NRXN1: variants seen among roughly 807,000 people sequenced by gnomAD.
NRXN1 encodes the protein neurexin-1.
A neutral mutation model predicts 150.9 loss-of-function variants in NRXN1; 39 were observed. That is an observed-to-expected ratio of 0.26 (90% CI 0.20 to 0.34). The LOEUF is 0.34. NRXN1 is among the 10% of genes least tolerant of loss of function. The pLI, the probability that NRXN1 is intolerant of heterozygous loss-of-function variation, is 1.00. For synonymous variants in NRXN1, 924 were observed against 757.0 expected (o/e 1.22, Z -3.62); for missense variants, 1,815 against 1,949.9 (o/e 0.93, Z 1.30).
At chr2:50,996,746 T>C (rs1699353705) in intron 2 of NRXN1, among the ~76,000 whole-genome samples, 1 of 152,034 alleles carries the variant, frequency 6.6e-6, no homozygotes, top group Non-Finnish European at 1.5e-5. Context: ...TTGGCTGAGC[T>C]AGGACTCAGT....
intron 5 of NRXN1, among the ~76,000 whole-genome samples, chr2:50,798,320 G>C (rs978059341): frequency 6.6e-6 from 1 of 152,142 alleles, no homozygotes; most frequent in African/African-American, 2.4e-5. Context: ...TGTATAATTA[G>C]AAAAAGCTTC....
At chr2:50,139,368 T>C (rs1706919229) in intron 18 of NRXN1, among the ~76,000 whole-genome samples, 1 of 150,520 alleles carries the variant, frequency 6.6e-6, no homozygotes, top group South Asian at 2.1e-4. Flanking sequence ...GGCCATCATG[T>C]GAACCTGAAC....
chr2:50,772,024 A>G (rs1347943043), intron 5 of NRXN1, among the ~76,000 whole-genome samples: 1 of 152,126 alleles, frequency 6.6e-6, no homozygotes, highest in Non-Finnish European at 1.5e-5. Flanking sequence ...GTCTCCCAAA[A>G]TATCTAGTAC....
At chr2:50,906,794 C>A (rs1683750174) in intron 5 of NRXN1, among the ~76,000 whole-genome samples, 2 of 152,052 alleles carry the variant, frequency 1.3e-5, no homozygotes, top group African/African-American at 2.4e-5. Context: ...AATGGCACCA[C>A]AATGATGTAT....
intron 5 of NRXN1, among the ~76,000 whole-genome samples, chr2:50,701,586 T>C (rs1186242504): frequency 4.6e-5 from 7 of 152,188 alleles, no homozygotes; most frequent in Non-Finnish European, 2.9e-5. Context: ...CCTACCATCA[T>C]TTATTATTCT....
intron 8 of NRXN1, among the ~76,000 whole-genome samples, chr2:50,582,087 G>C (rs1191314638): frequency 6.6e-6 from 1 of 152,052 alleles, no homozygotes; most frequent in African/African-American, 2.4e-5. Flanking sequence ...ATTTAGTTTT[G>C]TTAATAACCG....
intron 5 of NRXN1, among the ~76,000 whole-genome samples, chr2:50,695,742 C>T (rs536089365): frequency 6.6e-6 from 1 of 151,946 alleles, no homozygotes; most frequent in Middle Eastern, 3.4e-3. Flanking sequence ...GGTTAGATAT[C>T]GCTTTTTATC....
intron 2 of NRXN1, among the ~76,000 whole-genome samples, chr2:51,008,867 T>C (rs995751381): frequency 3.9e-5 from 6 of 151,962 alleles, no homozygotes; most frequent in East Asian, 3.9e-4. Flanking sequence ...GGTTATTTGG[T>C]AGGACAAATC....
intron 17 of NRXN1, among the ~76,000 whole-genome samples, chr2:50,406,081 T>G (rs1219514320): frequency 1.3e-5 from 2 of 152,110 alleles, no homozygotes; most frequent in African/African-American, 2.4e-5. Context: ...GTTTTTCATG[T>G]TAATTCTCCT....
chr2:50,687,658 G>T (rs1009060082), intron 5 of NRXN1, among the ~76,000 whole-genome samples: 7 of 152,190 alleles, frequency 4.6e-5, no homozygotes, highest in African/African-American at 1.7e-4. Context: ...ACTTTAATGT[G>T]CAGTTTTTGT....
At chr2:50,612,614 C>T (rs1185468741) in intron 8 of NRXN1, among the ~76,000 whole-genome samples, 1 of 152,154 alleles carries the variant, frequency 6.6e-6, no homozygotes, top group South Asian at 2.1e-4. Context: ...GACTCCCTTA[C>T]CCCTTCAGCA....
At chr2:50,306,777 C>G (rs2074651642) in intron 17 of NRXN1, among the ~76,000 whole-genome samples, 1 of 152,068 alleles carries the variant, frequency 6.6e-6, no homozygotes, top group Admixed American at 6.6e-5. Context: ...AATCAAAATT[C>G]CAGAGTGTTG....
chr2:50,852,950 A>G (rs1243578397), intron 5 of NRXN1, among the ~76,000 whole-genome samples: 2 of 152,190 alleles, frequency 1.3e-5, no homozygotes, highest in East Asian at 1.9e-4. Context: ...TGTGCTAAGA[A>G]GCAGACAGCT....
At chr2:50,398,392 C>T (rs553525516) in intron 17 of NRXN1, among the ~76,000 whole-genome samples, 2 of 151,798 alleles carry the variant, frequency 1.3e-5, no homozygotes, top group Non-Finnish European at 2.9e-5. Context: ...ACTATTCAAA[C>T]GCAATGTTAT....
rs533482671 is a variant in NRXN1 at position 50,735,783 on chromosome 2, A to T, written c.833-112168T>A. Among the ~76,000 whole-genome samples, 12 of 152,298 alleles carry T rather than the reference A, an allele frequency of 7.9e-5. No individual in the cohort carries two copies. The South Asian group carries it at 2.5e-3, about 32-fold the overall frequency. ...ACCTATTTGACATCTTTTGTTATAT[A>T]ACCTCAAGATATCTCCACTGTTATT... is the stretch of plus-strand genomic sequence containing the variant. On this transcript the variant is annotated intron_variant, in intron 5 of 22. Transcript: ENST00000401669.
At chr2:50,092,688 G>A (rs757055530) in intron 18 of NRXN1, among the ~76,000 whole-genome samples, 6 of 152,082 alleles carry the variant, frequency 3.9e-5, no homozygotes, top group Non-Finnish European at 5.9e-5. Flanking sequence ...GAATCCTTAC[G>A]GAAAATCTTT....
chr2:50,297,011 T>C (rs2073664185), intron 17 of NRXN1, among the ~76,000 whole-genome samples: 1 of 151,826 alleles, frequency 6.6e-6, no homozygotes, highest in Admixed American at 6.6e-5. Flanking sequence ...GGCTCCCAAG[T>C]AGCTGGGACT....
chr2:50,523,930 T>C (rs992988492), intron 12 of NRXN1, among the ~76,000 whole-genome samples: 1 of 152,212 alleles, frequency 6.6e-6, no homozygotes, highest in Non-Finnish European at 1.5e-5. Flanking sequence ...AAGCCAAAAG[T>C]ACTTGGAAGG....
intron 5 of NRXN1, among the ~76,000 whole-genome samples, chr2:50,819,032 C>A (rs1196668004): frequency 6.6e-6 from 1 of 152,128 alleles, no homozygotes; most frequent in Non-Finnish European, 1.5e-5. Flanking sequence ...TAACAACTGT[C>A]AGCAAGGATG....
Sources: gnomAD v4.1 joint callset for allele counts (sites outside exome capture counted in the v4.1 genomes callset) on GRCh38, gnomAD v4.1.1 for gene constraint, MANE v1.5 for transcripts, NCBI Gene and HGNC (gene_info 2026-07-23, HGNC 2026-07-21) for gene names.